Variants in FEZ2 observed in about 807,000 individuals in gnomAD.
The protein encoded by FEZ2 is fasciculation and elongation protein zeta-2.
In FEZ2, 51 loss-of-function variants were observed where a neutral mutation model predicts 40.4. The ratio of observed to expected loss-of-function variants is 1.26; its 90% confidence interval spans 1.01 to 1.59. FEZ2 has a LOEUF of 1.59. Ranked by LOEUF, FEZ2 falls within the 40% of genes most tolerant of loss-of-function variation. FEZ2 has a pLI of 0.00. For synonymous variants in FEZ2, 242 were observed against 172.0 expected (o/e 1.41, Z -3.18); for missense variants, 640 against 438.3 (o/e 1.46, Z -4.11).
At chr2:36,581,885 C>T (rs1668761140) in intron 3 of FEZ2, among the ~76,000 whole-genome samples, 1 of 150,874 alleles carries the variant, frequency 6.6e-6, no homozygotes, top group Non-Finnish European at 1.5e-5. Flanking sequence ...TACAATAGCA[C>T]AAAAAAAGTA....
intron 2 of FEZ2, chr2:36,590,591 C>T: frequency 4.7e-6 from 1 of 213,682 alleles, no homozygotes; most frequent in Non-Finnish European, 9.2e-6. Flanking sequence ...TCGCTTGAAC[C>T]CAGGAGGCAG....
chr2:36,578,884 T>C lies in FEZ2; in HGVS notation c.635-19A>G, dbSNP rs750626894. On this transcript the variant is annotated intron_variant, in intron 4 of 7. Coordinates refer to ENST00000405912, the MANE Select transcript of FEZ2 (RefSeq NM_005102.3). ...TTCACTCCTGTGACCAAAAGCAAAA[T>C]ACAGCAGATATTAAGACAAAAACAT... The C allele has an allele frequency of 1.9e-6, 3 of 1,590,016 alleles. No homozygotes were observed. The highest frequency in any genetic ancestry group is 2.2e-5 in the East Asian group (1 of 44,608).
In FEZ2 at chr2:36,553,052, C is replaced by G; in HGVS notation, c.*111G>C. 4 of 853,782 alleles carry G rather than the reference C, an allele frequency of 4.7e-6. No homozygotes were observed. The highest frequency in any genetic ancestry group is 7.6e-6 in the Non-Finnish European group (4 of 528,786). The allele number at this position is 853,782 out of a possible 1,614,324, so 52.9% of individuals were successfully genotyped here. On this transcript the variant is annotated 3_prime_UTR_variant, in exon 8 of 8. Transcript: ENST00000405912. ...AGATCTGTTAATACTGAATCAAACCCAAGTTCAAATGTGCTGAGTTTCCAA... is the reference window on the plus strand; with the variant it reads ...AGATCTGTTAATACTGAATCAAACCGAAGTTCAAATGTGCTGAGTTTCCAA...
intron 5 of FEZ2, among the ~76,000 whole-genome samples, chr2:36,568,977 A>T (rs908283633): frequency 2.6e-5 from 4 of 152,206 alleles, no homozygotes; most frequent in Non-Finnish European, 5.9e-5. Context: ...GCCCATTTAC[A>T]ACATCCTTGC....
chr2:36,571,893 T>C (rs1464288004), intron 5 of FEZ2, among the ~76,000 whole-genome samples: 2 of 150,712 alleles, frequency 1.3e-5, no homozygotes, highest in African/African-American at 2.4e-5. Flanking sequence ...ACCACACTTG[T>C]AATCCCAGCT....
chr2:36,574,272 T>C (rs893114834), intron 5 of FEZ2, among the ~76,000 whole-genome samples: 4 of 152,232 alleles, frequency 2.6e-5, no homozygotes, highest in Non-Finnish European at 1.5e-5. Flanking sequence ...TTAGTCAATA[T>C]TCTATTGTCT....
In FEZ2 at chr2:36,555,721, T is replaced by TC. The variant is rs1667941211; in HGVS notation, c.1006dup (p.Glu336GlyfsTer9). 1 of 1,597,822 alleles carries TC rather than the reference T, an allele frequency of 6.3e-7. No individual in the cohort carries two copies. The highest frequency in any genetic ancestry group is 8.5e-7 in the Non-Finnish European group (1 of 1,172,586). ...ATCAGTTAACAAGCTCGGAACTTTT[T>TC]CACTGTCCTCCTTCATGGCACGAAG... On this transcript the variant is annotated frameshift_variant, in exon 7 of 8. Transcript: ENST00000405912. LOFTEE classifies it high-confidence loss of function.
chr2:36,595,119 C>G (rs960679466), intron 1 of FEZ2, among the ~76,000 whole-genome samples: 6 of 152,124 alleles, frequency 3.9e-5, no homozygotes, highest in Non-Finnish European at 8.8e-5. Flanking sequence ...AACCTCAGTA[C>G]GTAAATACAA....
intron 1 of FEZ2, among the ~76,000 whole-genome samples, chr2:36,591,825 C>G (rs1237182924): frequency 1.3e-5 from 2 of 152,100 alleles, no homozygotes; most frequent in African/African-American, 4.8e-5. Flanking sequence ...CCTTAACCTC[C>G]CTAGGTATCC....
intron 2 of FEZ2, among the ~76,000 whole-genome samples, chr2:36,586,024 C>CT (rs1573026887): frequency 6.6e-6 from 1 of 152,108 alleles, no homozygotes; most frequent in African/African-American, 2.4e-5. Context: ...TCCTATAGTT[C>CT]TAATTTACTT....
At chr2:36,565,175 T>G (rs1228553747) in intron 5 of FEZ2, among the ~76,000 whole-genome samples, 1 of 152,224 alleles carries the variant, frequency 6.6e-6, no homozygotes. Flanking sequence ...TATTTATATT[T>G]CCATCCCTAC....
At chr2:36,577,084 T>C (rs1217492573) in intron 5 of FEZ2, among the ~76,000 whole-genome samples, 1 of 152,234 alleles carries the variant, frequency 6.6e-6, no homozygotes, top group African/African-American at 2.4e-5. Context: ...GTGTCCCTAA[T>C]ATTTTAAAGC....
intron 1 of FEZ2, 60 bp from the exon 2 acceptor site, chr2:36,591,071 AAATATTC>A: frequency 9.9e-7 from 1 of 1,012,628 alleles, no homozygotes; most frequent in African/African-American, 1.6e-5. Flanking sequence ...TTTCTTAAAC[AAATATTC>A]AGTGAAAGAT....
At chr2:36,588,857 C>T (rs1349584535) in intron 2 of FEZ2, among the ~76,000 whole-genome samples, 2 of 151,722 alleles carry the variant, frequency 1.3e-5, no homozygotes, top group African/African-American at 4.9e-5. Context: ...GCCCGCTGTA[C>T]ATTTAGTCAA....
chr2:36,573,446 C>A (rs7570763), intron 5 of FEZ2, among the ~76,000 whole-genome samples: 37,950 of 152,106 alleles, frequency 0.25, 5,354 homozygotes, highest in South Asian at 0.41. Flanking sequence ...TCTGATGTAA[C>A]AGAAGCCTGG....
At position 36,578,747 on chromosome 2, in the gene FEZ2, A is replaced by C; in HGVS notation, c.753T>G (p.Phe251Leu). 3.1e-6 allele frequency: 5 copies of C among 1,613,770 alleles called. No individual in the cohort carries two copies. Among genetic ancestry groups the C allele is most frequent in the Non-Finnish European group, 4.2e-6 (5 of 1,179,854 alleles). The change falls in exon 5 of 8, where the codon TTT (phenylalanine) becomes TTG (leucine). Residue 251 changes from phenylalanine to leucine, a missense_variant. Transcript: ENST00000405912. ...QQLALRDELE[F>L]EKEVKNSFIS... ...TAAAGCTGTTTTTCACTTCCTTTTC[A>C]AACTCCAGTTCATCTCGTAAAGCCA...
chr2:36,578,645 AT>A lies in FEZ2; in HGVS notation c.854del (p.Asn285MetfsTer19), dbSNP rs772264399. 6.2e-7 allele frequency: 1 copy of A among 1,613,416 alleles called. No individual in the cohort carries two copies. ...ETAKKKKKLK[N>X]GSSQNGKNER... ...CATTCTTCCCATTCTGAGAGCTGCC[AT>A]TTTTTAGTTTCTTTTTCTTTTTTGC... On this transcript the variant is annotated frameshift_variant, in exon 5 of 8. Coordinates refer to ENST00000405912, the MANE Select transcript of FEZ2 (RefSeq NM_005102.3). LOFTEE classifies it high-confidence loss of function.
intron 1 of FEZ2, among the ~76,000 whole-genome samples, 186 bp downstream of exon 1, chr2:36,597,690 CG>C (rs1156930954): frequency 3.3e-5 from 5 of 151,972 alleles, no homozygotes; most frequent in Admixed American, 1.3e-4. Flanking sequence ...CTCGTGGCGG[CG>C]GGGGGCAGGG....
chr2:36,589,485 T>C (rs1231744749), intron 2 of FEZ2, among the ~76,000 whole-genome samples: 1 of 152,208 alleles, frequency 6.6e-6, no homozygotes, highest in Non-Finnish European at 1.5e-5. Flanking sequence ...TAAAGCCCCT[T>C]CCAACTCTAA....
Sources: allele counts gnomAD v4.1 joint callset (sites outside exome capture counted in the v4.1 genomes callset), GRCh38; gene constraint gnomAD v4.1.1; transcripts MANE v1.5; gene names NCBI Gene and HGNC (gene_info 2026-07-23, HGNC 2026-07-21).